The following PPM1E variants were observed in gnomAD, a reference collection of about 807,000 sequenced individuals.
The protein encoded by PPM1E is protein phosphatase, Mg2+/Mn2+ dependent 1E.
PPM1E carries 20 observed loss-of-function variants against 65.9 expected under a neutral mutation model. The observed-to-expected ratio is 0.30, with a 90% confidence interval of 0.21 to 0.44. The LOEUF (loss-of-function observed/expected upper bound fraction) is 0.44, where lower values mean the gene tolerates loss of function less well. Ranked by LOEUF, PPM1E falls within the 20% of genes least tolerant of loss-of-function variation. The probability of loss-of-function intolerance (pLI) is 1.00; values close to 1 mark genes in which losing one functional copy is unlikely to be tolerated. For synonymous variants in PPM1E, 352 were observed against 374.9 expected (o/e 0.94, Z 0.70); for missense variants, 713 against 953.1 (o/e 0.75, Z 3.32).
chr17:58,801,171 G>A (rs2050254523), intron 1 of PPM1E, among the ~76,000 whole-genome samples: 1 of 151,974 alleles, frequency 6.6e-6, no homozygotes, highest in Non-Finnish European at 1.5e-5. Context: ...ATGTTGATTA[G>A]GTCATGTTGG....
intron 1 of PPM1E, among the ~76,000 whole-genome samples, chr17:58,941,837 T>C (rs2143604060): frequency 6.7e-6 from 1 of 149,504 alleles, no homozygotes; most frequent in East Asian, 2.0e-4. Flanking sequence ...AAACCCCATC[T>C]CTACTAAAAA....
At chr17:58,861,191 C>T (rs776866457) in intron 1 of PPM1E, among the ~76,000 whole-genome samples, 6 of 152,184 alleles carry the variant, frequency 3.9e-5, no homozygotes, top group Non-Finnish European at 7.3e-5. Flanking sequence ...GGCTACATAT[C>T]CAACAGATGT....
intron 1 of PPM1E, among the ~76,000 whole-genome samples, chr17:58,883,010 A>G (rs1047035129): frequency 1.5e-5 from 2 of 132,368 alleles, no homozygotes; most frequent in African/African-American, 5.8e-5. Context: ...GCTGGAGTGC[A>G]GTGGTGTGAT....
chr17:58,805,972 AACAAAAAAAAAACAAAACAAAACAAAAC>A (rs1567838835), intron 1 of PPM1E, among the ~76,000 whole-genome samples: 14 of 122,000 alleles, frequency 1.1e-4, no homozygotes, highest in African/African-American at 2.9e-4. Context: ...AAAAAAAAAA[AACAAAAAAAAAACAAAACAAAACAAAAC>A]AAAAAAAAAA....
Position 58,965,912 on chromosome 17 carries a change from G to C in PPM1E, c.783+19G>C, listed in dbSNP as rs2042926240. The C allele has an allele frequency of 6.2e-7, 1 of 1,609,026 alleles. No homozygotes were observed. Among genetic ancestry groups the C allele is most frequent in the Non-Finnish European group, 8.5e-7 (1 of 1,175,932 alleles). On this transcript the variant is annotated intron_variant, in intron 3 of 6. Transcript: ENST00000308249. ...CCTAGAGGTAAAGGGCACTTTCGGA[G>C]AGTCAGTGAGATTTTAAAGACAAAA...
At chr17:58,923,911 C>CTTTTTT (rs751578623) in intron 1 of PPM1E, among the ~76,000 whole-genome samples, 2 of 64,812 alleles carry the variant, frequency 3.1e-5, no homozygotes, top group African/African-American at 6.5e-5. Flanking sequence ...AAGACCCCCT[C>CTTTTTT]TTTTTTTTTT....
intron 1 of PPM1E, among the ~76,000 whole-genome samples, chr17:58,849,089 A>G (rs2050799723): frequency 6.6e-6 from 1 of 152,078 alleles, no homozygotes; most frequent in South Asian, 2.1e-4. Context: ...CTCTGATGGT[A>G]GTTTGTATTT....
intron 1 of PPM1E, among the ~76,000 whole-genome samples, chr17:58,767,382 GATTATA>G (rs2049891430): frequency 1.3e-5 from 2 of 152,158 alleles, no homozygotes; most frequent in Non-Finnish European, 2.9e-5. Flanking sequence ...AGACTTGGGA[GATTATA>G]ATTATGATGT....
intron 6 of PPM1E, among the ~76,000 whole-genome samples, chr17:58,979,020 A>G (rs558079799): frequency 9.9e-5 from 15 of 152,214 alleles, no homozygotes; most frequent in East Asian, 5.8e-4. Context: ...TGTTCCCTCA[A>G]TTGAGGCAAC....
chr17:58,756,201 G>A lies in PPM1E; in HGVS notation c.204G>A (p.Glu68=). The A allele has an allele frequency of 6.4e-7, 1 of 1,559,726 alleles. No individual in the cohort carries two copies. The highest frequency in any genetic ancestry group is 8.7e-7 in the Non-Finnish European group (1 of 1,151,632). Residue 68 remains glutamate, a synonymous_variant, in exon 1 of 7, where the codon GAG becomes GAA. Coordinates refer to ENST00000308249, the MANE Select transcript of PPM1E (RefSeq NM_014906.5). ...AGGCTTCGGTAGAGGAACCCGGGGA[G>A]GAGGCGGCCACGGTAGCCGCGACGG... The part of the protein sequence containing the change: ...AAEASVEEPG[E]EAATVAATEE...
chr17:58,966,439 A>AC, intron 3 of PPM1E: 1 of 298,868 alleles, frequency 3.3e-6, no homozygotes, highest in South Asian at 3.0e-5. Context: ...AAAAAAAAAA[A>AC]AACCCAAACT....
intron 1 of PPM1E, among the ~76,000 whole-genome samples, chr17:58,837,319 T>TG (rs1342608302): frequency 0.013 from 653 of 51,334 alleles, 2 homozygotes; most frequent in African/African-American, 0.043. Context: ...AGAATGAGAA[T>TG]AACACACACA....
intron 1 of PPM1E, among the ~76,000 whole-genome samples, chr17:58,911,043 T>G (rs2051621581): frequency 6.6e-6 from 1 of 152,070 alleles, no homozygotes; most frequent in Non-Finnish European, 1.5e-5. Flanking sequence ...TTCCTGGAGT[T>G]TTTGACTATC....
intron 1 of PPM1E, among the ~76,000 whole-genome samples, chr17:58,770,217 G>T (rs1019184735): frequency 6.6e-6 from 1 of 152,014 alleles, no homozygotes; most frequent in Non-Finnish European, 1.5e-5. Flanking sequence ...TCAAAGTAAA[G>T]CTTGTCTTTC....
intron 1 of PPM1E, among the ~76,000 whole-genome samples, chr17:58,805,980 A>AAC (rs1555611152): frequency 1.4e-4 from 15 of 107,926 alleles, no homozygotes; most frequent in African/African-American, 4.2e-4. Context: ...AAAACAAAAA[A>AAC]AAAACAAAAC....
At chr17:58,780,701 A>G (rs969598611) in intron 1 of PPM1E, among the ~76,000 whole-genome samples, 2 of 152,192 alleles carry the variant, frequency 1.3e-5, no homozygotes, top group Non-Finnish European at 2.9e-5. Flanking sequence ...AAAACTTTAC[A>G]AGAGAATCTT....
chr17:58,972,638 A>T (rs1425402601), intron 5 of PPM1E, among the ~76,000 whole-genome samples, 194 bp from the exon 6 acceptor site: 2 of 152,222 alleles, frequency 1.3e-5, no homozygotes, highest in Non-Finnish European at 2.9e-5. Flanking sequence ...GGCGTGAGCC[A>T]CCGCGCCCGG....
intron 1 of PPM1E, among the ~76,000 whole-genome samples, chr17:58,901,462 TC>T (rs1192693765): frequency 6.6e-6 from 1 of 151,778 alleles, no homozygotes; most frequent in Non-Finnish European, 1.5e-5. Context: ...TCACCTGAGG[TC>T]AGGAGTTCGA....
At chr17:58,844,380 A>G (rs1427872138) in intron 1 of PPM1E, among the ~76,000 whole-genome samples, 3 of 152,204 alleles carry the variant, frequency 2.0e-5, no homozygotes, top group Non-Finnish European at 4.4e-5. Context: ...TAAAATTATA[A>G]TAAAAATGAG....
Sources: gnomAD v4.1 joint callset for allele counts (sites outside exome capture counted in the v4.1 genomes callset) on GRCh38, gnomAD v4.1.1 for gene constraint, MANE v1.5 for transcripts, NCBI Gene and HGNC (gene_info 2026-07-23, HGNC 2026-07-21) for gene names.